ILRUN: variants seen among roughly 807,000 people sequenced by gnomAD.
ILRUN encodes the protein protein ILRUN.
In ILRUN, 3 loss-of-function variants were observed where a neutral mutation model predicts 33.8. The observed-to-expected ratio is 0.09, with a 90% CI of 0.04 to 0.23. The LOEUF (loss-of-function observed/expected upper bound fraction) is 0.23. Among genes scored for constraint, ILRUN ranks in the 10% least tolerant of loss-of-function variants. ILRUN has a pLI of 1.00. For missense variants in ILRUN, 210 were observed against 375.1 expected, an observed-to-expected ratio of 0.56 and a Z score of 3.64; for synonymous variants, 124 against 138.9, an observed-to-expected ratio of 0.89 and a Z score of 0.75.
chr6:34,694,228 T>A (rs1463675533), intron 1 of ILRUN, among the ~76,000 whole-genome samples: 10 of 152,232 alleles, frequency 6.6e-5, no homozygotes, highest in African/African-American at 2.4e-4. Context: ...TTCATTACAC[T>A]GCTTTTGTAG....
intron 4 of ILRUN, among the ~76,000 whole-genome samples, chr6:34,603,317 A>C (rs1761555290): frequency 6.6e-6 from 1 of 152,178 alleles, no homozygotes; most frequent in African/African-American, 2.4e-5. Flanking sequence ...GTTCGAGACC[A>C]GCCTGGCCAA....
chr6:34,621,183 G>T (rs9461992), intron 3 of ILRUN, among the ~76,000 whole-genome samples: 24,679 of 152,126 alleles, frequency 0.16, 2,724 homozygotes, highest in African/African-American at 0.31. Flanking sequence ...TTCATTGAAA[G>T]CAACAAGAGC....
At chr6:34,631,598 G>A (rs1562010100) in intron 3 of ILRUN, among the ~76,000 whole-genome samples, 1 of 152,048 alleles carries the variant, frequency 6.6e-6, no homozygotes, top group Non-Finnish European at 1.5e-5. Flanking sequence ...CAAAGTGCTG[G>A]GATTACAGGA....
At chr6:34,670,335 G>A (rs1020703080) in intron 1 of ILRUN, among the ~76,000 whole-genome samples, 8 of 152,146 alleles carry the variant, frequency 5.3e-5, no homozygotes, top group African/African-American at 1.9e-4. Flanking sequence ...TTCTAAAACT[G>A]GATTGGGGTG....
intron 1 of ILRUN, among the ~76,000 whole-genome samples, chr6:34,688,061 T>C (rs552025727): frequency 3.3e-5 from 5 of 152,158 alleles, no homozygotes; most frequent in African/African-American, 1.2e-4. Flanking sequence ...ATGAAACAAA[T>C]TGTGATATGT....
In ILRUN at chr6:34,673,830, C is replaced by CAT. The variant is rs1338010085; in HGVS notation, c.159-19053_159-19052dup. Among the ~76,000 whole-genome samples the CAT allele has an allele frequency of 4.1e-5, 5 of 122,940 alleles. No individual in the cohort carries two copies. The South Asian group carries it at 7.6e-4, about 19-fold the overall frequency. The allele number at this position is 122,940 out of a possible 152,430, so 80.7% of individuals were successfully genotyped here. A position where few individuals can be genotyped will look rare whatever the true frequency, so the allele number is the denominator to read the frequency against. ...CCTGTCTCAAAAACAGTAACAACCACATACACACACACACACACACACACA... is the reference window on the plus strand; with the variant it reads ...CCTGTCTCAAAAACAGTAACAACCACATATACACACACACACACACACACACA... On this transcript the variant is annotated intron_variant, in intron 1 of 4. Transcript: ENST00000374023.
At chr6:34,618,770 A>G (rs906691701) in intron 3 of ILRUN, among the ~76,000 whole-genome samples, 6 of 152,208 alleles carry the variant, frequency 3.9e-5, no homozygotes, top group Admixed American at 2.0e-4. Flanking sequence ...CTCTTTCATG[A>G]CTGCCCTCCT....
At position 34,696,471 on chromosome 6, in the gene ILRUN, C is replaced by T; in HGVS notation, c.133G>A (p.Ala45Thr). ...LGFQLNPAGCAFFLDMTNWNL... is the reference protein window; with the variant it reads ...LGFQLNPAGCTFFLDMTNWNL... ...CAGTTGGTCATGTCCAGGAAGAAGGCGCAACCGGCAGGATTGAGCTGGAAG... is the reference window on the plus strand; with the variant it reads ...CAGTTGGTCATGTCCAGGAAGAAGGTGCAACCGGCAGGATTGAGCTGGAAG... The change falls in exon 1 of 5, where the codon GCC (alanine) becomes ACC (threonine). Residue 45 changes from alanine to threonine, a missense_variant. Ala to Thr is a moderately conservative substitution (Grantham distance 58). This residue lies in a region of ILRUN where 61 missense variants were observed against 94.4 expected (regional missense o/e 0.65). Transcript: ENST00000374023. 6.3e-7 allele frequency: 1 copy of T among 1,598,970 alleles called. No individual in the cohort carries two copies. Among genetic ancestry groups the T allele is most frequent in the Non-Finnish European group, 8.5e-7 (1 of 1,173,572 alleles).
At chr6:34,601,271 T>C (rs934852839) in intron 4 of ILRUN, among the ~76,000 whole-genome samples, 3 of 152,228 alleles carry the variant, frequency 2.0e-5, no homozygotes, top group Non-Finnish European at 4.4e-5. Flanking sequence ...AATGATAGTT[T>C]TACAGCTCTG....
At chr6:34,607,970 G>A (rs182632626) in intron 3 of ILRUN, among the ~76,000 whole-genome samples, 4 of 152,192 alleles carry the variant, frequency 2.6e-5, no homozygotes, top group East Asian at 1.9e-4. Context: ...GTGCTCGCCT[G>A]TAGTCCCAGC....
At chr6:34,613,216 A>AAACAACAAC (rs35446561) in intron 3 of ILRUN, among the ~76,000 whole-genome samples, 1 of 150,160 alleles carries the variant, frequency 6.7e-6, no homozygotes, top group Non-Finnish European at 1.5e-5. Flanking sequence ...CCTGTCTCAA[A>AAACAACAAC]AACAACAACA....
At chr6:34,696,251 A>G in intron 1 of ILRUN, 195 bp downstream of exon 1, 1 of 564,118 alleles carries the variant, frequency 1.8e-6, no homozygotes, top group East Asian at 3.1e-5. Flanking sequence ...GTGGTCCCTA[A>G]CTCTCCTTTA....
At chr6:34,607,054 G>C (rs544058336) in intron 3 of ILRUN, 150 bp from the exon 4 acceptor site, 190 of 651,316 alleles carry the variant, frequency 2.9e-4, no homozygotes, top group Non-Finnish European at 4.4e-4. Flanking sequence ...AAGCTGCCTG[G>C]TACATTTGCA....
rs1763265458 is a variant in ILRUN, at chr6:34,677,683, T to C, written c.158+18763A>G. Among the ~76,000 whole-genome samples, 5 of 152,082 alleles carry C rather than the reference T, an allele frequency of 3.3e-5. No homozygotes were observed. In the South Asian group the frequency reaches 1.0e-3, roughly 32 times the overall value. ...ACAAAACAGGGCCGGTCACCACGGC[T>C]CATGCCTGTAATCCCAGAACTTTGG... On this transcript the variant is annotated intron_variant, in intron 1 of 4. Coordinates refer to ENST00000374023, the MANE Select transcript of ILRUN (RefSeq NM_024294.4).
intron 1 of ILRUN, among the ~76,000 whole-genome samples, chr6:34,683,529 C>T (rs111868030): frequency 0.21 from 16,418 of 76,666 alleles, 1,523 homozygotes; most frequent in East Asian, 0.39. Flanking sequence ...TATATATATA[C>T]ATATTGCACA....
intron 3 of ILRUN, among the ~76,000 whole-genome samples, chr6:34,607,442 T>G (rs946655528): frequency 6.6e-6 from 1 of 152,288 alleles, no homozygotes; most frequent in South Asian, 2.1e-4. Flanking sequence ...CTAGACAAAA[T>G]GGAAGATACT....
At chr6:34,636,122 T>C (rs1762363559) in intron 3 of ILRUN, among the ~76,000 whole-genome samples, 1 of 151,914 alleles carries the variant, frequency 6.6e-6, no homozygotes, top group African/African-American at 2.4e-5. Context: ...ATTAGCCAGG[T>C]AGGTAGTCCC....
intron 3 of ILRUN, among the ~76,000 whole-genome samples, chr6:34,622,593 A>T (rs1302926116): frequency 6.6e-6 from 1 of 152,164 alleles, no homozygotes; most frequent in Non-Finnish European, 1.5e-5. Flanking sequence ...TCCTAGAGAC[A>T]TCAGAAAATG....
intron 1 of ILRUN, among the ~76,000 whole-genome samples, chr6:34,690,877 GCTAT>G (rs1237117568): frequency 6.6e-6 from 1 of 152,132 alleles, no homozygotes; most frequent in Non-Finnish European, 1.5e-5. Flanking sequence ...AGGACAGATG[GCTAT>G]CTTAGAAGGG....
Sources: gnomAD v4.1 joint callset for allele counts (sites outside exome capture counted in the v4.1 genomes callset) on GRCh38, gnomAD v4.1.1 for gene constraint, gnomAD v4.1.1 regional missense constraint, MANE v1.5 for transcripts, NCBI Gene and HGNC (gene_info 2026-07-23, HGNC 2026-07-21) for gene names.